Variants in DLGAP2 observed in about 807,000 individuals in gnomAD.
The protein encoded by DLGAP2 is DLG associated protein 2, also known as disks large-associated protein 2.
DLGAP2 carries 26 observed loss-of-function variants against 100.3 expected under a neutral mutation model. The observed-to-expected ratio is 0.26, with a 90% CI of 0.19 to 0.36. The LOEUF is 0.36. Ranked by LOEUF, DLGAP2 falls within the 10% of genes least tolerant of loss-of-function variation. The pLI is 1.00. For missense variants in DLGAP2, 1,858 were observed against 1,453.2 expected, an observed-to-expected ratio of 1.28 and a Z score of -4.53; for synonymous variants, 886 against 630.1, an observed-to-expected ratio of 1.41 and a Z score of -6.08.
At chr8:1,432,027 C>T (rs942114397) in intron 3 of DLGAP2, among the ~76,000 whole-genome samples, 12 of 150,124 alleles carry the variant, frequency 8.0e-5, no homozygotes, top group South Asian at 2.1e-4. Flanking sequence ...AGCACCGCTA[C>T]GGCTGCCATC....
chr8:1,488,169 T>A (rs1799278177), intron 3 of DLGAP2, among the ~76,000 whole-genome samples: 1 of 152,066 alleles, frequency 6.6e-6, no homozygotes, highest in African/African-American at 2.4e-5. Context: ...GAGTCCTTCT[T>A]CCACACAGTC....
At chr8:1,058,714 T>C (rs2129034571) in intron 2 of DLGAP2, among the ~76,000 whole-genome samples, 1 of 152,352 alleles carries the variant, frequency 6.6e-6, no homozygotes, top group Non-Finnish European at 1.5e-5. Flanking sequence ...TGTCACCTCT[T>C]AAGACAGATT....
rs553690320 is a variant in DLGAP2, at chr8:1,040,810, C to T, written c.73+132844C>T. ...TGCAGATCCAGCAGGAGCGCAGAGT[C>T]GTGGCCCCTTCCTGGTGGGAGGATA... On this transcript the variant is annotated intron_variant, in intron 2 of 14. Transcript: ENST00000637795. Among the ~76,000 whole-genome samples, 8 of 152,270 alleles carry T rather than the reference C, an allele frequency of 5.3e-5. No individual in the cohort carries two copies. In the South Asian group the frequency reaches 1.0e-3, roughly 20 times the overall value.
At chr8:1,391,705 G>A (rs978479339) in intron 3 of DLGAP2, among the ~76,000 whole-genome samples, 4 of 152,172 alleles carry the variant, frequency 2.6e-5, no homozygotes, top group Non-Finnish European at 2.9e-5. Flanking sequence ...TTCTGTTCTT[G>A]ATTTCACTCC....
At chr8:1,377,277 G>C (rs1303952881) in intron 3 of DLGAP2, among the ~76,000 whole-genome samples, 1 of 152,236 alleles carries the variant, frequency 6.6e-6, no homozygotes, top group East Asian at 1.9e-4. Context: ...GAGCGCAGTG[G>C]CTCACGCCTG....
At chr8:1,077,797 C>A (rs1249955979) in intron 2 of DLGAP2, among the ~76,000 whole-genome samples, 1 of 152,218 alleles carries the variant, frequency 6.6e-6, no homozygotes, top group African/African-American at 2.4e-5. Flanking sequence ...TCCCCTTTTC[C>A]ACAAGAAGAT....
intron 6 of DLGAP2, among the ~76,000 whole-genome samples, chr8:1,626,026 G>T (rs545932765): frequency 7.4e-6 from 1 of 135,996 alleles, no homozygotes; most frequent in Non-Finnish European, 1.5e-5. Context: ...ACCCTGTGGC[G>T]GGTGCTCAGC....
intron 2 of DLGAP2, among the ~76,000 whole-genome samples, chr8:1,217,285 T>C (rs1272661744): frequency 6.6e-6 from 1 of 152,186 alleles, no homozygotes; most frequent in Non-Finnish European, 1.5e-5. Flanking sequence ...GCAAAGGATA[T>C]GATCTTGTTT....
At chr8:1,055,187 T>G (rs1195736302) in intron 2 of DLGAP2, among the ~76,000 whole-genome samples, 1 of 152,222 alleles carries the variant, frequency 6.6e-6, no homozygotes, top group Non-Finnish European at 1.5e-5. Flanking sequence ...AATTGTCCAA[T>G]TGTGTGATTA....
chr8:1,024,931 T>C (rs1801748078), intron 2 of DLGAP2, among the ~76,000 whole-genome samples: 1 of 152,218 alleles, frequency 6.6e-6, no homozygotes, highest in South Asian at 2.1e-4. Flanking sequence ...GAGTCTGGAA[T>C]GACGGACAGA....
chr8:1,327,670 C>A (rs746535085), intron 3 of DLGAP2, among the ~76,000 whole-genome samples: 2 of 152,008 alleles, frequency 1.3e-5, no homozygotes, highest in African/African-American at 4.8e-5. Flanking sequence ...CCATGAAACC[C>A]CATCTCTACT....
At chr8:1,463,980 A>G (rs149090523) in intron 3 of DLGAP2, among the ~76,000 whole-genome samples, 423 of 152,358 alleles carry the variant, frequency 2.8e-3, no homozygotes, top group Non-Finnish European at 4.1e-3. Context: ...ATAACAACTG[A>G]GGAAGGAGCT....
chr8:949,180 C>T (rs902211648), intron 2 of DLGAP2, among the ~76,000 whole-genome samples: 4 of 152,152 alleles, frequency 2.6e-5, no homozygotes, highest in African/African-American at 9.7e-5. Flanking sequence ...ACGTGTGGTT[C>T]CTGGAGTAGA....
At chr8:1,486,600 C>A (rs768405475) in intron 3 of DLGAP2, among the ~76,000 whole-genome samples, 4 of 149,160 alleles carry the variant, frequency 2.7e-5, no homozygotes, top group Middle Eastern at 3.5e-3. Flanking sequence ...GATGCGGCGG[C>A]GGCTCCTGAG....
intron 1 of DLGAP2, among the ~76,000 whole-genome samples, chr8:801,117 G>A (rs950157833): frequency 4.6e-5 from 7 of 152,178 alleles, no homozygotes; most frequent in Admixed American, 2.6e-4. Flanking sequence ...CTGCATGATC[G>A]GTTGATTAGA....
chr8:1,561,061 T>C (rs1013964952), intron 5 of DLGAP2, among the ~76,000 whole-genome samples: 1 of 152,142 alleles, frequency 6.6e-6, no homozygotes, highest in Admixed American at 6.5e-5. Context: ...GGTGGGTCTT[T>C]CCTGTGCTGT....
At chr8:1,506,429 G>A (rs77545303) in intron 4 of DLGAP2, among the ~76,000 whole-genome samples, 18,563 of 152,168 alleles carry the variant, frequency 0.12, 1,402 homozygotes, top group Non-Finnish European at 0.16. Context: ...AGACGTTTTT[G>A]GAGTTTCTTC....
chr8:1,332,231 C>T (rs1563088144), intron 3 of DLGAP2, among the ~76,000 whole-genome samples: 1 of 152,078 alleles, frequency 6.6e-6, no homozygotes, highest in African/African-American at 2.4e-5. Flanking sequence ...TGTGAGTGTG[C>T]CTGCATATGT....
chr8:861,445 C>T (rs111924377), intron 1 of DLGAP2, among the ~76,000 whole-genome samples: 55 of 152,314 alleles, frequency 3.6e-4, no homozygotes, highest in African/African-American at 1.2e-3. Context: ...AGCACGGAAT[C>T]TGCTCTGGCC....
Sources: gnomAD v4.1 joint callset for allele counts (sites outside exome capture counted in the v4.1 genomes callset) on GRCh38, gnomAD v4.1.1 for gene constraint, MANE v1.5 for transcripts, NCBI Gene and HGNC (gene_info 2026-07-23, HGNC 2026-07-21) for gene names.